The following TMCO1 variants were observed in gnomAD, a reference collection of about 807,000 sequenced individuals.
TMCO1 encodes the protein transmembrane and coiled-coil domains 1, also known as calcium load-activated calcium channel.
TMCO1 carries 29 observed loss-of-function variants against 29.3 expected under a neutral mutation model. That is an observed-to-expected ratio of 0.99 (90% CI 0.74 to 1.35). The LOEUF (loss-of-function observed/expected upper bound fraction) is 1.35, where lower values mean the gene tolerates loss of function less well. Among genes scored for constraint, TMCO1 ranks in the 40% most tolerant of loss-of-function variants. The pLI is 0.00. For missense variants in TMCO1, 173 were observed against 225.5 expected (o/e 0.77, Z 1.49); for synonymous variants, 80 against 77.1 (o/e 1.04, Z -0.20).
chr1:165,731,053 T>C (rs1307147694), intron 6 of TMCO1, among the ~76,000 whole-genome samples: 1 of 151,808 alleles, frequency 6.6e-6, no homozygotes. Context: ...GGGCACATCA[T>C]CATGCCCAGC....
intron 5 of TMCO1, among the ~76,000 whole-genome samples, chr1:165,751,594 C>T (rs1651994928): frequency 6.6e-6 from 1 of 151,814 alleles, no homozygotes; most frequent in South Asian, 2.1e-4. Context: ...GTACCAGCTA[C>T]TCGGGAGGCT....
At chr1:165,743,891 C>T (rs553986446) in intron 5 of TMCO1, among the ~76,000 whole-genome samples, 36 of 149,104 alleles carry the variant, frequency 2.4e-4, no homozygotes, top group East Asian at 5.9e-4. Context: ...GATGGAGTCT[C>T]GCTCTGTCAC....
intron 2 of TMCO1, among the ~76,000 whole-genome samples, chr1:165,765,473 G>A (rs1022523664): frequency 6.6e-6 from 1 of 152,130 alleles, no homozygotes; most frequent in African/African-American, 2.4e-5. Flanking sequence ...TAGTGGAGAC[G>A]GGGTTTCACT....
In TMCO1 at chr1:165,726,863, T is replaced by A. The variant is rs1323867282; in HGVS notation, c.*1160A>T. On this transcript the variant is annotated 3_prime_UTR_variant, in exon 7 of 7. Coordinates refer to ENST00000367881, the MANE Select transcript of TMCO1 (RefSeq NM_019026.6). The stretch of plus-strand genomic sequence containing the variant: ...ACATAAAATTCTAAGTTGATACTTA[T>A]TTTCCTCAGCACTTTGAAGATACTT... 1 of 453,930 alleles carries A rather than the reference T, an allele frequency of 2.2e-6. No individual in the cohort carries two copies. The highest frequency in any genetic ancestry group is 4.4e-6 in the Non-Finnish European group (1 of 226,728). 28.1% of individuals were successfully genotyped at this position (453,930 alleles called of 1,614,324 possible).
At chr1:165,735,937 A>G (rs1223866146) in intron 6 of TMCO1, among the ~76,000 whole-genome samples, 2 of 152,242 alleles carry the variant, frequency 1.3e-5, no homozygotes, top group Non-Finnish European at 2.9e-5. Flanking sequence ...GAGTGCTGCT[A>G]TGGTCTGAAT....
At chr1:165,745,187 A>ATTTT (rs540820751) in intron 5 of TMCO1, among the ~76,000 whole-genome samples, 1 of 138,730 alleles carries the variant, frequency 7.2e-6, no homozygotes, top group Admixed American at 7.2e-5. Flanking sequence ...TGTCTGGCTA[A>ATTTT]TTTTTTTTTT....
At chr1:165,762,466 A>G (rs1193818142) in intron 2 of TMCO1, among the ~76,000 whole-genome samples, 1 of 152,178 alleles carries the variant, frequency 6.6e-6, no homozygotes, top group African/African-American at 2.4e-5. Context: ...GAATAGAAAC[A>G]TAAGACAATT....
chr1:165,766,881 C>T (rs887226798), intron 2 of TMCO1, among the ~76,000 whole-genome samples: 8 of 152,174 alleles, frequency 5.3e-5, no homozygotes, highest in African/African-American at 1.9e-4. Flanking sequence ...CTGGCTTACA[C>T]TACTGGAAGC....
At chr1:165,760,907 A>G (rs1050573202) in intron 2 of TMCO1, among the ~76,000 whole-genome samples, 1 of 152,212 alleles carries the variant, frequency 6.6e-6, no homozygotes, top group Non-Finnish European at 1.5e-5. Flanking sequence ...AATTACCTTT[A>G]CTTAGTTTAT....
chr1:165,750,805 C>A (rs1651965461), intron 5 of TMCO1, among the ~76,000 whole-genome samples: 8 of 152,132 alleles, frequency 5.3e-5, no homozygotes, highest in Admixed American at 5.2e-4. Flanking sequence ...CGTGGTGGCT[C>A]ACGCCTGTAA....
intron 6 of TMCO1, among the ~76,000 whole-genome samples, chr1:165,732,042 C>T (rs74121428): frequency 0.013 from 2,016 of 152,306 alleles, 52 homozygotes; most frequent in African/African-American, 0.047. Flanking sequence ...TTTTCTCAGA[C>T]AGATTTCCCC....
At chr1:165,729,102 C>CT (rs1419897597) in intron 6 of TMCO1, among the ~76,000 whole-genome samples, 1 of 39,426 alleles carries the variant, frequency 2.5e-5, no homozygotes, top group Non-Finnish European at 4.3e-5. Context: ...GAGATTCTGT[C>CT]TAAAAAAAAA....
downstream of TMCO1, chr1:165,726,613 T>C (rs747160020): frequency 4.4e-6 from 2 of 457,488 alleles, no homozygotes; most frequent in South Asian, 1.6e-5. Flanking sequence ...AATTACCTTG[T>C]AGGGCTGTCT....
In TMCO1 at chr1:165,754,164, GTAAA is replaced by G; in HGVS notation, c.255+60_255+63del. ...AAAAGGTGAGTGCAATGCACTTGAT[GTAAA>G]TCAGTCTTTTGCTAAAAATATTATG... On this transcript the variant is annotated intron_variant, in intron 4 of 6. Coordinates refer to ENST00000367881, the MANE Select transcript of TMCO1 (RefSeq NM_019026.6). 3 of 1,395,666 alleles carry G rather than the reference GTAAA, an allele frequency of 2.1e-6. No individual in the cohort carries two copies. In the Admixed American group the frequency reaches 5.0e-5, roughly 23 times the overall value. 86.5% of individuals were successfully genotyped at this position (1,395,666 alleles called of 1,614,324 possible). A position where few individuals can be genotyped will look rare whatever the true frequency, so the allele number is the denominator to read the frequency against.
chr1:165,754,124 G>C, intron 4 of TMCO1, 104 bp downstream of exon 4: 1 of 922,034 alleles, frequency 1.1e-6, no homozygotes, highest in Non-Finnish European at 1.8e-6. Flanking sequence ...AGCCTTCACA[G>C]GTGATAAATT....
intron 5 of TMCO1, among the ~76,000 whole-genome samples, chr1:165,744,138 G>A (rs966337226): frequency 6.6e-6 from 1 of 152,084 alleles, no homozygotes; most frequent in South Asian, 2.1e-4. Context: ...AGGAATAGAA[G>A]CTTGTTATAA....
rs754441437 is a variant in TMCO1, at chr1:165,768,866, T to G, written c.-115A>C. On this transcript the variant is annotated 5_prime_UTR_variant, in exon 1 of 7. Coordinates refer to ENST00000367881, the MANE Select transcript of TMCO1 (RefSeq NM_019026.6). ...CGCCACCACCGAGTAACAGACCAACTCTGACAGCCCGAAGATCGCACTTCC... is the reference window on the plus strand; with the variant it reads ...CGCCACCACCGAGTAACAGACCAACGCTGACAGCCCGAAGATCGCACTTCC... The G allele has an allele frequency of 8.3e-6, 13 of 1,565,040 alleles. No homozygotes were observed. In the South Asian group the frequency reaches 1.4e-4, roughly 17 times the overall value.
intron 5 of TMCO1, 27 bp downstream of exon 5, chr1:165,752,075 G>A: frequency 6.4e-7 from 1 of 1,558,640 alleles, no homozygotes; most frequent in Non-Finnish European, 8.8e-7. Flanking sequence ...ATAGTTATTA[G>A]TCAAAAGCAT....
downstream of TMCO1, chr1:165,726,084 A>T: frequency 1.4e-6 from 1 of 696,298 alleles, no homozygotes; most frequent in Non-Finnish European, 2.6e-6. Flanking sequence ...GTGATGGCAG[A>T]ATTTTGAGGA....
Sources: allele counts gnomAD v4.1 joint callset (sites outside exome capture counted in the v4.1 genomes callset), GRCh38; gene constraint gnomAD v4.1.1; transcripts MANE v1.5; gene names NCBI Gene and HGNC (gene_info 2026-07-23, HGNC 2026-07-21).